ZNF778: variants seen among roughly 807,000 people sequenced by gnomAD.
ZNF778 encodes zinc finger protein 778.
In ZNF778, 37 loss-of-function variants were observed where a neutral mutation model predicts 23.9. That is an observed-to-expected ratio of 1.54 (90% CI 1.19 to 2.03). ZNF778 has a LOEUF of 2.03. ZNF778 is among the 30% of genes most tolerant of loss of function. The pLI, the probability that ZNF778 is intolerant of heterozygous loss-of-function variation, is 0.00. For missense variants in ZNF778, 1,297 were observed against 934.4 expected, an observed-to-expected ratio of 1.39 and a Z score of -5.06; for synonymous variants, 483 against 343.9, an observed-to-expected ratio of 1.40 and a Z score of -4.48.
In ZNF778 at chr16:89,226,734, A is replaced by T; in HGVS notation, c.446A>T (p.Gln149Leu). Residue 149 changes from glutamine to leucine, a missense_variant, in exon 7 of 7, where the codon CAG becomes CTG. By Grantham distance (113) the Gln-to-Leu change is moderately radical. Coordinates refer to ENST00000433976, the MANE Select transcript of ZNF778 (RefSeq NM_001201407.2). The stretch of plus-strand genomic sequence containing the variant: ...GGAGGGCAGCTCTGTGACCGCACGC[A>T]GTGTGGAGAAGCTTTCAGTGAACAC... ...HNGGQLCDRT[Q>L]CGEAFSEHSG... 2 of 1,613,770 alleles carry T rather than the reference A, an allele frequency of 1.2e-6. No homozygotes were observed. The highest frequency in any genetic ancestry group is 2.2e-5 in the South Asian group (2 of 91,070).
At position 89,221,192 on chromosome 16, in the gene ZNF778, AGGTCCTGATACACAGTGT is replaced by A. The variant is rs762866166; in HGVS notation, c.25+42_25+59del. 62 of 1,469,586 alleles carry A rather than the reference AGGTCCTGATACACAGTGT, an allele frequency of 4.2e-5. 3 individuals carry two copies. The South Asian group carries it at 7.3e-4, about 17-fold the overall frequency. The allele number at this position is 1,469,586 out of a possible 1,614,324, so 91.0% of individuals were successfully genotyped here. The stretch of plus-strand genomic sequence containing the variant: ...GGCTCCTTCTCAGAGCCTCTGCTCT[AGGTCCTGATACACAGTGT>A]GTGTATCAGGCCCATGGACGGGGCC... On this transcript the variant is annotated intron_variant, in intron 2 of 6. Transcript: ENST00000433976.
Position 89,233,603 on chromosome 16 carries a change from C to T in ZNF778, c.*5041C>T. The T allele has an allele frequency of 1.8e-6, 2 of 1,132,434 alleles. No individual in the cohort carries two copies. Among genetic ancestry groups the T allele is most frequent in the Middle Eastern group, 2.3e-4 (1 of 4,268 alleles). The allele number at this position is 1,132,434 out of a possible 1,614,324, so 70.1% of individuals were successfully genotyped here. ...CATATGCAACGCAACTCAACTCATA[C>T]TGCATATGCAACTCAACTCACACTG... On this transcript the variant is annotated 3_prime_UTR_variant, in exon 7 of 7. Coordinates refer to ENST00000433976, the MANE Select transcript of ZNF778 (RefSeq NM_001201407.2).
rs2031726812 is a variant in ZNF778, at chr16:89,228,676, C to G, written c.*114C>G. 1 of 1,490,840 alleles carries G rather than the reference C, an allele frequency of 6.7e-7. No homozygotes were observed. Among genetic ancestry groups the G allele is most frequent in the Non-Finnish European group, 8.9e-7 (1 of 1,126,022 alleles). 92.4% of individuals were successfully genotyped at this position (1,490,840 alleles called of 1,614,324 possible). ...GAATGTGGCTAGGCAATCAGCATCT[C>G]ATCACAACCCGGCAGGCAGGAACTC... On this transcript the variant is annotated 3_prime_UTR_variant, in exon 7 of 7. Coordinates refer to ENST00000433976, the MANE Select transcript of ZNF778 (RefSeq NM_001201407.2).
rs558970459 is a variant in ZNF778, at chr16:89,228,927, C to G, written c.*365C>G. ...AGTCATTTTTTACATTACATCTTTC[C>G]TCACCCTTTAGTAAACGTGGTGATT... On this transcript the variant is annotated 3_prime_UTR_variant, in exon 7 of 7. Coordinates refer to ENST00000433976, the MANE Select transcript of ZNF778 (RefSeq NM_001201407.2). The G allele has an allele frequency of 4.0e-6, 4 of 1,007,606 alleles. No individual in the cohort carries two copies. The South Asian group carries it at 1.3e-4, about 34-fold the overall frequency. The allele number at this position is 1,007,606 out of a possible 1,614,324, so 62.4% of individuals were successfully genotyped here.
chr16:89,225,463 A>G lies in ZNF778; in HGVS notation c.329-92A>G, dbSNP rs1318763999. The G allele has an allele frequency of 7.5e-6, 8 of 1,065,670 alleles. No individual in the cohort carries two copies. The East Asian group carries it at 1.1e-4, about 14-fold the overall frequency. 66.0% of individuals were successfully genotyped at this position (1,065,670 alleles called of 1,614,324 possible). ...ACACATAGCCAAACTCCTTAAATCT[A>G]TCTTTGCTTTGTTTTTTTTTCTGCC... On this transcript the variant is annotated intron_variant, in intron 5 of 6. Transcript: ENST00000433976.
chr16:89,226,787 C>T lies in ZNF778; in HGVS notation c.499C>T (p.Gln167Ter), dbSNP rs757517376. 2.4e-5 allele frequency: 39 copies of T among 1,614,000 alleles called. No homozygotes were observed. The East Asian group carries it at 7.1e-4, about 30-fold the overall frequency. Residue 167 changes from glutamine (Q) to a stop codon, truncating the protein, a stop_gained, in exon 7 of 7, where the codon CAA (glutamine) becomes TAA (stop). Transcript: ENST00000433976. LOFTEE classifies it low-confidence loss of function (END_TRUNC). The stretch of plus-strand genomic sequence containing the variant: ...AGGCCTCAGCACACACGTGAGAACT[C>T]AAAATACAGGAGACAGTTGTGTGTC... ...HSGLSTHVRT[Q>*]NTGDSCVSNH...
rs1273287212 is a variant in ZNF778, at chr16:89,233,722, A to C, written c.*5160A>C. The stretch of plus-strand genomic sequence containing the variant: ...ATGCAACTCAACTCACTGCGTATGC[A>C]ACTCAACTCGCACTGCATATGCAAC... On this transcript the variant is annotated 3_prime_UTR_variant, in exon 7 of 7. Coordinates refer to ENST00000433976, the MANE Select transcript of ZNF778 (RefSeq NM_001201407.2). The C allele has an allele frequency of 1.9e-6, 2 of 1,035,336 alleles. No individual in the cohort carries two copies. The highest frequency in any genetic ancestry group is 2.4e-6 in the Non-Finnish European group (2 of 823,200). The allele number at this position is 1,035,336 out of a possible 1,614,324, so 64.1% of individuals were successfully genotyped here. A position where few individuals can be genotyped will look rare whatever the true frequency, so the allele number is the denominator to read the frequency against.
chr16:89,222,468 A>T (rs1332393746), intron 3 of ZNF778, among the ~76,000 whole-genome samples: 27 of 152,164 alleles, frequency 1.8e-4, no homozygotes. Flanking sequence ...GGTTCAAGCA[A>T]TTCTCCTGCC....
intron 1 of ZNF778, among the ~76,000 whole-genome samples, chr16:89,219,769 G>A (rs546533391): frequency 1.3e-5 from 2 of 152,374 alleles, no homozygotes; most frequent in East Asian, 1.9e-4. Context: ...AGCCTTACAG[G>A]CAACTGTGTA....
At chr16:89,226,576 G>A (rs971933878) in intron 6 of ZNF778, 118 bp from the exon 7 acceptor site, 1 of 833,022 alleles carries the variant, frequency 1.2e-6, no homozygotes, top group African/African-American at 1.7e-5. Flanking sequence ...GGAGCTGCTT[G>A]CATGTTATGA....
In ZNF778 at chr16:89,227,123, A is replaced by T; in HGVS notation, c.835A>T (p.Asn279Tyr). 6.2e-7 allele frequency: 1 copy of T among 1,614,032 alleles called. No individual in the cohort carries two copies. The highest frequency in any genetic ancestry group is 8.5e-7 in the Non-Finnish European group (1 of 1,179,898). Residue 279 changes from asparagine (N) to tyrosine (Y), a missense_variant, in exon 7 of 7, where the codon AAT (asparagine) becomes TAT (tyrosine). Asn to Tyr is a moderately radical substitution (Grantham distance 143). Coordinates refer to ENST00000433976, the MANE Select transcript of ZNF778 (RefSeq NM_001201407.2). ...ACCTGTTGAAATGCATGCCGTCAGGAATCCCCACGTATGTAGGGAATGTGG... is the reference window on the plus strand; with the variant it reads ...ACCTGTTGAAATGCATGCCGTCAGGTATCCCCACGTATGTAGGGAATGTGG... ...ATPVEMHAVR[N>Y]PHVCRECGKA...
intron 2 of ZNF778, among the ~76,000 whole-genome samples, chr16:89,221,889 T>C (rs761423292): frequency 1.3e-5 from 2 of 151,956 alleles, no homozygotes; most frequent in African/African-American, 4.8e-5. Flanking sequence ...TGAGGTACTG[T>C]ATGGCTTTGT....
intron 5 of ZNF778, among the ~76,000 whole-genome samples, chr16:89,225,025 G>A (rs1018803785): frequency 7.0e-6 from 1 of 143,770 alleles, no homozygotes; most frequent in Non-Finnish European, 1.5e-5. Flanking sequence ...TGAGCTTCCC[G>A]TAATTCCTTA....
intron 3 of ZNF778, among the ~76,000 whole-genome samples, chr16:89,222,510 C>A (rs1473218017): frequency 1.3e-5 from 2 of 152,170 alleles, no homozygotes; most frequent in African/African-American, 4.8e-5. Flanking sequence ...ATTACAAGTG[C>A]CCACCAGCAT....
At position 89,221,113 on chromosome 16, in the gene ZNF778, C is replaced by G. The variant is rs199504578; in HGVS notation, c.-15C>G. 9 of 1,566,258 alleles carry G rather than the reference C, an allele frequency of 5.7e-6. No homozygotes were observed. The highest frequency in any genetic ancestry group is 6.9e-6 in the Non-Finnish European group (8 of 1,155,182). Reference sequence around the variant, plus strand: ...CAGGAAAGGAGCATTCAGACGCTTCCGTCAGCCTCCCAGGATGGCAGCCCC... The same window carrying G: ...CAGGAAAGGAGCATTCAGACGCTTCGGTCAGCCTCCCAGGATGGCAGCCCC... On this transcript the variant is annotated 5_prime_UTR_variant, in exon 2 of 7. Coordinates refer to ENST00000433976, the MANE Select transcript of ZNF778 (RefSeq NM_001201407.2).
At chr16:89,225,729 C>CCTG in intron 6 of ZNF778, 98 bp downstream of exon 6, 1 of 1,119,602 alleles carries the variant, frequency 8.9e-7, no homozygotes, top group Non-Finnish European at 1.3e-6. Flanking sequence ...TTTAGAGAAG[C>CCTG]AGGATTCACT....
At chr16:89,226,300 G>T (rs942286831) in intron 6 of ZNF778, among the ~76,000 whole-genome samples, 1 of 151,870 alleles carries the variant, frequency 6.6e-6, no homozygotes, top group African/African-American at 2.4e-5. Context: ...CTGCCTCCCT[G>T]GTTCAAGCCA....
intron 5 of ZNF778, among the ~76,000 whole-genome samples, chr16:89,225,262 C>T (rs1206273859): frequency 6.6e-6 from 1 of 151,638 alleles, no homozygotes; most frequent in Non-Finnish European, 1.5e-5. Flanking sequence ...ATTACAGGTG[C>T]GTGCTGCCAC....
In ZNF778 at chr16:89,234,001, C is replaced by A; in HGVS notation, c.*5439C>A. On this transcript the variant is annotated 3_prime_UTR_variant, in exon 7 of 7. Coordinates refer to ENST00000433976, the MANE Select transcript of ZNF778 (RefSeq NM_001201407.2). ...CAGACTTCATCCTGCCCTGTCCTGC[C>A]TTTCCTGTGAAAACCCTGTGGCCTC... 1 of 1,194,232 alleles carries A rather than the reference C, an allele frequency of 8.4e-7. No individual in the cohort carries two copies. Among genetic ancestry groups the A allele is most frequent in the Non-Finnish European group, 1.1e-6 (1 of 902,024 alleles). The allele number at this position is 1,194,232 out of a possible 1,614,324, so 74.0% of individuals were successfully genotyped here.
Sources: allele counts gnomAD v4.1 joint callset (sites outside exome capture counted in the v4.1 genomes callset), GRCh38; gene constraint gnomAD v4.1.1; transcripts MANE v1.5; gene names NCBI Gene and HGNC (gene_info 2026-07-23, HGNC 2026-07-21).